FAF1: variants seen among roughly 807,000 people sequenced by gnomAD.
FAF1 encodes the protein FAS-associated factor 1.
A neutral mutation model predicts 92.5 loss-of-function variants in FAF1; 25 were observed. The observed-to-expected ratio is 0.27, with a 90% CI of 0.20 to 0.38. The LOEUF (loss-of-function observed/expected upper bound fraction) is 0.38, where lower values mean the gene tolerates loss of function less well. Among genes scored for constraint, FAF1 ranks in the 10% least tolerant of loss-of-function variants. The pLI, the probability that FAF1 is intolerant of heterozygous loss-of-function variation, is 1.00. For synonymous variants in FAF1, 234 were observed against 273.2 expected, an observed-to-expected ratio of 0.86 and a Z score of 1.42; for missense variants, 636 against 793.3, an observed-to-expected ratio of 0.80 and a Z score of 2.38.
intron 7 of FAF1, among the ~76,000 whole-genome samples, chr1:50,659,115 A>T (rs1464412102): frequency 6.6e-6 from 1 of 152,234 alleles, no homozygotes. Context: ...TTAGTATTCT[A>T]GGAAACCTCA....
intron 18 of FAF1, among the ~76,000 whole-genome samples, chr1:50,445,890 C>T (rs1366663237): frequency 6.6e-6 from 1 of 152,138 alleles, no homozygotes; most frequent in Non-Finnish European, 1.5e-5. Flanking sequence ...GTTTATGTAA[C>T]AAAAATGGGA....
At chr1:50,544,762 A>C (rs1482723801) in intron 13 of FAF1, among the ~76,000 whole-genome samples, 2 of 152,218 alleles carry the variant, frequency 1.3e-5, no homozygotes, top group East Asian at 3.8e-4. Context: ...AGGTTGTAAT[A>C]TAAAATAGAG....
chr1:50,605,505 G>A (rs1652336784), intron 8 of FAF1, among the ~76,000 whole-genome samples: 1 of 151,798 alleles, frequency 6.6e-6, no homozygotes, highest in Non-Finnish European at 1.5e-5. Flanking sequence ...GATGTTATTT[G>A]TAAGGCAACT....
intron 4 of FAF1, among the ~76,000 whole-genome samples, chr1:50,772,538 T>C (rs1660809982): frequency 6.6e-6 from 1 of 152,194 alleles, no homozygotes; most frequent in African/African-American, 2.4e-5. Flanking sequence ...AATGAGATCA[T>C]GTCCTCTGCA....
chr1:50,847,567 C>T (rs978602505), intron 2 of FAF1, among the ~76,000 whole-genome samples: 2 of 151,896 alleles, frequency 1.3e-5, no homozygotes, highest in African/African-American at 4.8e-5. Flanking sequence ...AACTGAAACA[C>T]ACTGAAAAGA....
chr1:50,742,044 C>T (rs1311430604), intron 5 of FAF1, among the ~76,000 whole-genome samples: 1 of 152,024 alleles, frequency 6.6e-6, no homozygotes, highest in Non-Finnish European at 1.5e-5. Context: ...TGCCATGGCT[C>T]ATGCCTGTAA....
At chr1:50,568,876 G>A (rs1650294441) in intron 12 of FAF1, among the ~76,000 whole-genome samples, 1 of 152,166 alleles carries the variant, frequency 6.6e-6, no homozygotes, top group Non-Finnish European at 1.5e-5. Context: ...GAGACAGCTT[G>A]TAATGGGAAT....
chr1:50,657,639 G>T (rs978125400), intron 7 of FAF1, among the ~76,000 whole-genome samples: 3 of 152,202 alleles, frequency 2.0e-5, no homozygotes, highest in Non-Finnish European at 2.9e-5. Flanking sequence ...TAAAAATGCA[G>T]AAGCCTAAAG....
intron 1 of FAF1, among the ~76,000 whole-genome samples, chr1:50,879,256 A>AAATG (rs57298510): frequency 0.053 from 7,946 of 151,160 alleles, 250 homozygotes; most frequent in East Asian, 0.11. Context: ...AAAAATAAAC[A>AAATG]AATGAATGAA....
chr1:50,446,078 C>T (rs1426708445), intron 18 of FAF1, among the ~76,000 whole-genome samples: 3 of 152,130 alleles, frequency 2.0e-5, no homozygotes, highest in East Asian at 1.9e-4. Flanking sequence ...GGCCACACTG[C>T]GAATCCTGGA....
chr1:50,713,900 C>T (rs1035954026), intron 6 of FAF1, among the ~76,000 whole-genome samples: 1 of 151,026 alleles, frequency 6.6e-6, no homozygotes. Context: ...CAGCCTCCCA[C>T]GTAGCTGGGT....
chr1:50,835,730 T>C (rs1042620338), intron 2 of FAF1, among the ~76,000 whole-genome samples: 1 of 152,146 alleles, frequency 6.6e-6, no homozygotes, highest in Non-Finnish European at 1.5e-5. Context: ...GAACCAGATA[T>C]TAAATATGTA....
chr1:50,502,715 T>C (rs562212273), intron 15 of FAF1, among the ~76,000 whole-genome samples: 1 of 152,348 alleles, frequency 6.6e-6, no homozygotes, highest in African/African-American at 2.4e-5. Flanking sequence ...TATTTTAGTA[T>C]AGCTGAATAT....
At chr1:50,550,351 T>TAA (rs11297579) in intron 13 of FAF1, among the ~76,000 whole-genome samples, 16 of 108,362 alleles carry the variant, frequency 1.5e-4, no homozygotes, top group East Asian at 1.0e-3. Flanking sequence ...ACTCCGTCTT[T>TAA]AAAAAAAAAA....
chr1:50,498,907 T>C (rs1448894906), intron 15 of FAF1, among the ~76,000 whole-genome samples: 1 of 150,526 alleles, frequency 6.6e-6, no homozygotes, highest in Non-Finnish European at 1.5e-5. Context: ...CCAGAGAAGA[T>C]GTATAAATGG....
intron 1 of FAF1, among the ~76,000 whole-genome samples, chr1:50,905,931 T>A (rs1031316633): frequency 7.9e-5 from 12 of 152,316 alleles, no homozygotes; most frequent in African/African-American, 2.9e-4. Flanking sequence ...GCTTTTGGTG[T>A]TTTAGTCATG....
chr1:50,909,633 A>C (rs1181539850), intron 1 of FAF1, among the ~76,000 whole-genome samples: 1 of 152,140 alleles, frequency 6.6e-6, no homozygotes, highest in African/African-American at 2.4e-5. Context: ...TTTGAGCTTC[A>C]ATCACTGATA....
At chr1:50,647,012 ATT>A (rs1181984658) in intron 8 of FAF1, among the ~76,000 whole-genome samples, 1 of 151,716 alleles carries the variant, frequency 6.6e-6, no homozygotes, top group Non-Finnish European at 1.5e-5. Context: ...CGCCCAGCTA[ATT>A]TTTTTTGTAT....
Position 50,491,706 on chromosome 1 carries a change from C to T in FAF1, c.1575+15G>A, listed in dbSNP as rs1028008988. 3 of 1,590,226 alleles carry T rather than the reference C, an allele frequency of 1.9e-6. No individual in the cohort carries two copies. Among genetic ancestry groups the T allele is most frequent in the South Asian group, 1.1e-5 (1 of 87,492 alleles). On this transcript the variant is annotated intron_variant, in intron 16 of 18. Transcript: ENST00000396153. ...AATTGAGTTCTTTATCCCAGAAGTA[C>T]TTGACCAAGCCTACCTTTGCTCTGT...
Sources: allele counts gnomAD v4.1 joint callset (sites outside exome capture counted in the v4.1 genomes callset), GRCh38; gene constraint gnomAD v4.1.1; transcripts MANE v1.5; gene names NCBI Gene and HGNC (gene_info 2026-07-23, HGNC 2026-07-21).